The following RAB27B variants were observed in gnomAD, a reference collection of about 807,000 sequenced individuals.
RAB27B encodes the protein RAB27B, member RAS oncogene family.
Under a neutral mutation model 24.6 loss-of-function variants are expected in RAB27B, and 15 were observed. The observed-to-expected ratio is 0.61, with a 90% CI of 0.41 to 0.94. RAB27B has a LOEUF of 0.94. Among genes scored for constraint, RAB27B ranks in the 40% least tolerant of loss-of-function variants. RAB27B has a pLI of 0.00. For missense variants in RAB27B, 261 were observed against 266.8 expected (o/e 0.98, Z 0.15); for synonymous variants, 105 against 92.5 (o/e 1.14, Z -0.78).
At chr18:54,784,331 A>G (rs369299357) in intron 2 of RAB27B, among the ~76,000 whole-genome samples, 3 of 152,136 alleles carry the variant, frequency 2.0e-5, no homozygotes, top group East Asian at 1.9e-4. Context: ...CAGAGGATAC[A>G]TGTGCAGATG....
At chr18:54,724,458 T>C (rs1243585436) in intron 2 of RAB27B, among the ~76,000 whole-genome samples, 1 of 151,468 alleles carries the variant, frequency 6.6e-6, no homozygotes, top group Non-Finnish European at 1.5e-5. Context: ...GTGCCGTGGC[T>C]CATGCCTGTA....
chr18:54,788,110 C>T (rs1005545328), intron 2 of RAB27B, among the ~76,000 whole-genome samples: 1 of 152,006 alleles, frequency 6.6e-6, no homozygotes, highest in Admixed American at 6.6e-5. Flanking sequence ...CAAGGCCAGA[C>T]AAAAAATAGA....
At chr18:54,792,243 C>T (rs898499691) in intron 2 of RAB27B, among the ~76,000 whole-genome samples, 1 of 152,150 alleles carries the variant, frequency 6.6e-6, no homozygotes, top group Non-Finnish European at 1.5e-5. Flanking sequence ...TCTGTGTGCT[C>T]CCCTAGAGGT....
intron 1 of RAB27B, among the ~76,000 whole-genome samples, chr18:54,846,275 G>C (rs375195623): frequency 2.9e-4 from 44 of 152,152 alleles, no homozygotes; most frequent in African/African-American, 1.0e-3. Flanking sequence ...TTAAATGAAA[G>C]CACATAGAAA....
At chr18:54,743,166 AGCTATTGT>A (rs1389495601) in intron 2 of RAB27B, among the ~76,000 whole-genome samples, 1 of 152,206 alleles carries the variant, frequency 6.6e-6, no homozygotes, top group Non-Finnish European at 1.5e-5. Context: ...CATCTCATTC[AGCTATTGT>A]GCTATTTAGC....
At chr18:54,886,958 C>CT (rs1287461653) in intron 4 of RAB27B, among the ~76,000 whole-genome samples, 3 of 150,508 alleles carry the variant, frequency 2.0e-5, no homozygotes, top group African/African-American at 4.9e-5. Flanking sequence ...ATTTTTTTCC[C>CT]TTTTTTTCTT....
rs1298488454 is a variant in RAB27B at position 54,725,516 on chromosome 18, C to G, written c.-20+7375C>G. 4.0e-5 allele frequency among the ~76,000 whole-genome samples: 6 copies of G among 151,498 alleles called. 1 individual carries two copies. The highest frequency in any genetic ancestry group is 1.5e-5 in the Non-Finnish European group (1 of 67,760). ...TTTGTTGCCTGTATTAGTGCATTCT[C>G]ATTATGCTATAAAGAACCGCCCAAG... is the stretch of plus-strand genomic sequence containing the variant. On this transcript the variant is annotated intron_variant, in intron 2 of 4. Transcript: ENST00000586570.
chr18:54,827,033 C>T (rs1038825908), upstream of RAB27B, among the ~76,000 whole-genome samples: 7 of 152,128 alleles, frequency 4.6e-5, no homozygotes. Flanking sequence ...ATTCAAGGCT[C>T]TTATGTTCTT....
At chr18:54,770,412 A>G (rs1908506407) in intron 2 of RAB27B, among the ~76,000 whole-genome samples, 1 of 151,140 alleles carries the variant, frequency 6.6e-6, no homozygotes, top group South Asian at 2.1e-4. Flanking sequence ...CTAAGTGTGT[A>G]CTCCTTATGA....
chr18:54,774,979 T>C (rs1415784291), intron 2 of RAB27B, among the ~76,000 whole-genome samples: 1 of 152,206 alleles, frequency 6.6e-6, no homozygotes, highest in East Asian at 1.9e-4. Context: ...ATCTGCTCAG[T>C]GGATGAATGA....
chr18:54,718,364 C>G (rs1457135987), intron 2 of RAB27B, among the ~76,000 whole-genome samples: 2 of 152,042 alleles, frequency 1.3e-5, no homozygotes, highest in African/African-American at 4.8e-5. Flanking sequence ...GCAAGAGAAG[C>G]TGGGTTTGCA....
At chr18:54,745,684 T>A (rs989533893) in intron 2 of RAB27B, 25 of 151,388 alleles carry the variant, frequency 1.7e-4, no homozygotes, top group Non-Finnish European at 3.2e-4. Flanking sequence ...AGCAAAAAAA[T>A]TTTTAAAAGA....
intron 1 of RAB27B, among the ~76,000 whole-genome samples, chr18:54,859,433 C>CTTTTAT (rs1911921337): frequency 6.6e-6 from 1 of 151,826 alleles, no homozygotes; most frequent in African/African-American, 2.4e-5. Flanking sequence ...TTTCATCAAA[C>CTTTTAT]CATCCACTTT....
intron 2 of RAB27B, among the ~76,000 whole-genome samples, chr18:54,782,542 A>G (rs1406758157): frequency 6.6e-6 from 1 of 152,214 alleles, no homozygotes; most frequent in Non-Finnish European, 1.5e-5. Flanking sequence ...CACAACAGTA[A>G]GGTATAACCT....
At chr18:54,867,442 C>CTTTTCTTTTTTTTTTTTTTTTTTTT (rs1555666326) in intron 1 of RAB27B, among the ~76,000 whole-genome samples, 1 of 98,752 alleles carries the variant, frequency 1.0e-5, no homozygotes, top group Non-Finnish European at 2.0e-5. Context: ...CTTTTCTTTT[C>CTTTTCTTTTTTTTTTTTTTTTTTTT]TTTTTTTTTT....
At chr18:54,778,654 C>A (rs762465850) in intron 2 of RAB27B, among the ~76,000 whole-genome samples, 1 of 152,074 alleles carries the variant, frequency 6.6e-6, no homozygotes, top group African/African-American at 2.4e-5. Flanking sequence ...TTACTATTTT[C>A]TGTTTATGGC....
chr18:54,885,165 T>G (rs1333688183), intron 4 of RAB27B, among the ~76,000 whole-genome samples: 2 of 152,224 alleles, frequency 1.3e-5, no homozygotes, highest in Admixed American at 6.5e-5. Context: ...ATTTCATTTG[T>G]ATTTTTTATT....
chr18:54,722,337 A>G (rs755905710), intron 2 of RAB27B, among the ~76,000 whole-genome samples: 8 of 152,162 alleles, frequency 5.3e-5, no homozygotes, highest in Non-Finnish European at 1.2e-4. Flanking sequence ...TGTTAGATGC[A>G]GATGTTATTA....
upstream of RAB27B, among the ~76,000 whole-genome samples, chr18:54,825,652 G>A (rs1445719654): frequency 1.3e-5 from 2 of 152,056 alleles, no homozygotes; most frequent in Non-Finnish European, 2.9e-5. Context: ...AGGGTAAAAA[G>A]GCATGTGTTC....
Sources: gnomAD v4.1 joint callset for allele counts (sites outside exome capture counted in the v4.1 genomes callset) on GRCh38, gnomAD v4.1.1 for gene constraint, MANE v1.5 for transcripts, NCBI Gene and HGNC (gene_info 2026-07-23, HGNC 2026-07-21) for gene names.